The following ARID1B variants were observed in gnomAD, a reference collection of about 807,000 sequenced individuals.
The protein encoded by ARID1B is AT-rich interaction domain 1B.
Under a neutral mutation model 212.3 loss-of-function variants are expected in ARID1B, and 30 were observed. That is an observed-to-expected ratio of 0.14 (90% CI 0.11 to 0.19). The LOEUF (loss-of-function observed/expected upper bound fraction) is 0.19. ARID1B is among the 10% of genes least tolerant of loss of function. The pLI, the probability that ARID1B is intolerant of heterozygous loss-of-function variation, is 1.00. For synonymous variants in ARID1B, 1,402 were observed against 1,301.7 expected, an observed-to-expected ratio of 1.08 and a Z score of -1.66; for missense variants, 2,891 against 3,204.0, an observed-to-expected ratio of 0.90 and a Z score of 2.36.
At chr6:156,987,445 C>G (rs767415033) in intron 4 of ARID1B, among the ~76,000 whole-genome samples, 2 of 151,980 alleles carry the variant, frequency 1.3e-5, no homozygotes, top group Non-Finnish European at 2.9e-5. Flanking sequence ...ATTCTCCTGG[C>G]TCAGCCTCCC....
intron 15 of ARID1B, among the ~76,000 whole-genome samples, chr6:157,191,962 T>C (rs1279516593): frequency 3.9e-5 from 6 of 152,196 alleles, no homozygotes; most frequent in African/African-American, 9.7e-5. Flanking sequence ...TCTTTAAAAT[T>C]TGAGTATAGG....
At chr6:156,833,136 T>C (rs1289847059) in intron 2 of ARID1B, among the ~76,000 whole-genome samples, 3 of 152,142 alleles carry the variant, frequency 2.0e-5, no homozygotes, top group African/African-American at 7.2e-5. Context: ...AGAAGTACAT[T>C]GGTTGATTTC....
intron 5 of ARID1B, among the ~76,000 whole-genome samples, chr6:157,110,226 T>C (rs1157266346): frequency 2.0e-5 from 3 of 152,204 alleles, no homozygotes; most frequent in Non-Finnish European, 4.4e-5. Context: ...TTGATTCATA[T>C]ATGAGTTTAG....
chr6:156,901,571 G>A (rs1283603649), intron 3 of ARID1B, 46 bp downstream of exon 3: 14 of 1,573,052 alleles, frequency 8.9e-6, no homozygotes, highest in Admixed American at 1.9e-5. Context: ...TCTCCACCAA[G>A]GCAGACCCGG....
chr6:156,879,492 G>A (rs976473990), intron 2 of ARID1B, among the ~76,000 whole-genome samples: 35 of 152,258 alleles, frequency 2.3e-4, no homozygotes, highest in Middle Eastern at 3.4e-3. Flanking sequence ...TTCCCTCTGT[G>A]AATTGCATAT....
intron 12 of ARID1B, 25 bp downstream of exon 12, chr6:157,181,203 GA>G (rs1562328867): frequency 6.2e-7 from 1 of 1,608,018 alleles, no homozygotes; most frequent in Admixed American, 1.7e-5. Flanking sequence ...GGGAGGGGGT[GA>G]AAAAGGAAGC....
intron 1 of ARID1B, among the ~76,000 whole-genome samples, chr6:156,788,946 A>G (rs1779835109): frequency 6.6e-6 from 1 of 152,228 alleles, no homozygotes; most frequent in African/African-American, 2.4e-5. Context: ...GTGTATTATC[A>G]TAGACTCCTG....
chr6:157,160,532 C>T (rs943583047), intron 8 of ARID1B, among the ~76,000 whole-genome samples: 2 of 152,316 alleles, frequency 1.3e-5, no homozygotes, highest in South Asian at 2.1e-4. Flanking sequence ...AGCCTCGTAA[C>T]GGTCAGCCCC....
At chr6:156,923,018 G>GT (rs1790935714) in intron 3 of ARID1B, among the ~76,000 whole-genome samples, 1 of 152,180 alleles carries the variant, frequency 6.6e-6, no homozygotes, top group African/African-American at 2.4e-5. Flanking sequence ...CCTTCCAAGT[G>GT]TGAGATGCCA....
At chr6:156,833,622 T>C (rs1471168518) in intron 2 of ARID1B, among the ~76,000 whole-genome samples, 2 of 152,216 alleles carry the variant, frequency 1.3e-5, no homozygotes, top group East Asian at 3.8e-4. Context: ...TTTAAAGGCA[T>C]ACATGTATTG....
rs1338778896 is a variant in ARID1B, at chr6:157,196,286, G to C, written c.4353G>C (p.Gln1451His). The change falls in exon 16 of 20, where the codon CAG becomes CAC. Residue 1451 changes from glutamine to histidine, a missense_variant. Transcript: ENST00000636930. The stretch of plus-strand genomic sequence containing the variant: ...ACCTGGGCATGGGGCAGCGCCAGCA[G>C]TTTCCCTATGGAGCCAGTTACGACC... ...MSNLGMGQRQ[Q>H]FPYGASYDRR... 5.9e-5 allele frequency: 95 copies of C among 1,602,304 alleles called. No homozygotes were observed. Among genetic ancestry groups the C allele is most frequent in the Non-Finnish European group, 7.7e-5 (91 of 1,177,388 alleles).
intron 4 of ARID1B, among the ~76,000 whole-genome samples, chr6:157,015,971 A>G (rs902132311): frequency 1.1e-4 from 17 of 152,308 alleles, no homozygotes; most frequent in East Asian, 7.7e-4. Context: ...CTGTAAGGAG[A>G]TATCTTCTCA....
chr6:156,980,267 G>A (rs985086518), intron 4 of ARID1B, among the ~76,000 whole-genome samples: 4 of 152,086 alleles, frequency 2.6e-5, no homozygotes, highest in African/African-American at 9.7e-5. Flanking sequence ...TAGATCACCT[G>A]CGGTCAGGAG....
intron 8 of ARID1B, among the ~76,000 whole-genome samples, chr6:157,157,885 T>C (rs1490424776): frequency 6.6e-6 from 1 of 152,062 alleles, no homozygotes; most frequent in East Asian, 1.9e-4. Flanking sequence ...GAGCTAGGCA[T>C]GGTAGCGCAC....
intron 1 of ARID1B, among the ~76,000 whole-genome samples, chr6:156,804,652 A>G (rs1252799311): frequency 6.6e-6 from 1 of 152,140 alleles, no homozygotes; most frequent in Non-Finnish European, 1.5e-5. Flanking sequence ...CACAATCACG[A>G]GAACAGCCTG....
In ARID1B at chr6:157,133,196, A is replaced by G. The variant is rs750324294; in HGVS notation, c.2750A>G (p.Tyr917Cys). 8 of 1,598,240 alleles carry G rather than the reference A, an allele frequency of 5.0e-6. No individual in the cohort carries two copies. Among genetic ancestry groups the G allele is most frequent in the Non-Finnish European group, 6.8e-6 (8 of 1,175,486 alleles). ...SGTYGPQMSQ[Y>C]GPQGNYSRPP... is the part of the protein sequence containing the mutation. Reference sequence around the variant, plus strand: ...ACTTACGGTCCACAGATGAGCCAGTATGGACCACAAGGTAAAACCAAAGCT... The same window carrying G: ...ACTTACGGTCCACAGATGAGCCAGTGTGGACCACAAGGTAAAACCAAAGCT... Residue 917 changes from tyrosine (Y) to cysteine (C), a missense_variant, in exon 7 of 20, where the codon TAT (tyrosine) becomes TGT (cysteine). This residue lies in a region of ARID1B where 1,643 missense variants were observed against 1,544.0 expected (regional missense o/e 1.06). Coordinates refer to ENST00000636930, the MANE Select transcript of ARID1B (RefSeq NM_001374828.1).
intron 2 of ARID1B, among the ~76,000 whole-genome samples, chr6:156,847,945 C>T (rs987370307): frequency 4.6e-5 from 7 of 152,034 alleles, no homozygotes; most frequent in Non-Finnish European, 1.0e-4. Context: ...AATTGAGACC[C>T]CACCTACCTG....
At chr6:156,964,982 AG>A (rs999755489) in intron 4 of ARID1B, among the ~76,000 whole-genome samples, 6 of 152,242 alleles carry the variant, frequency 3.9e-5, no homozygotes, top group African/African-American at 7.2e-5. Context: ...GTGTTGTGAA[AG>A]GTTAGCTTTT....
chr6:156,809,156 A>C (rs1371495349), intron 1 of ARID1B, among the ~76,000 whole-genome samples: 1 of 152,176 alleles, frequency 6.6e-6, no homozygotes, highest in Non-Finnish European at 1.5e-5. Context: ...AGGCACATAA[A>C]GGCTCAGTCT....
Sources: allele counts gnomAD v4.1 joint callset (sites outside exome capture counted in the v4.1 genomes callset), GRCh38; gene constraint gnomAD v4.1.1; regional missense constraint gnomAD v4.1.1; transcripts MANE v1.5; gene names NCBI Gene and HGNC (gene_info 2026-07-23, HGNC 2026-07-21).